MGAT4C: variants seen among roughly 807,000 people sequenced by gnomAD.
The protein encoded by MGAT4C is MGAT4 family member C.
MGAT4C carries 19 observed loss-of-function variants against 40.1 expected under a neutral mutation model. The observed-to-expected ratio is 0.47, with a 90% CI of 0.33 to 0.70. MGAT4C has a LOEUF of 0.70. Ranked by LOEUF, MGAT4C falls within the 30% of genes least tolerant of loss-of-function variation. The probability of loss-of-function intolerance (pLI) is 0.02; values close to 1 mark genes in which losing one functional copy is unlikely to be tolerated. For missense variants in MGAT4C, 491 were observed against 563.2 expected, an observed-to-expected ratio of 0.87 and a Z score of 1.30; for synonymous variants, 181 against 187.1, an observed-to-expected ratio of 0.97 and a Z score of 0.27.
intron 1 of MGAT4C, among the ~76,000 whole-genome samples, chr12:86,806,312 A>T (rs181541383): frequency 4.1e-4 from 62 of 152,102 alleles, no homozygotes; most frequent in African/African-American, 1.3e-3. Flanking sequence ...ACCTGTGTAC[A>T]CTTTATCCAG....
At chr12:86,034,258 T>C (rs1438412207) in intron 2 of MGAT4C, among the ~76,000 whole-genome samples, 1 of 149,780 alleles carries the variant, frequency 6.7e-6, no homozygotes, top group Non-Finnish European at 1.5e-5. Flanking sequence ...AGGATGATGC[T>C]AGCCTCCTAG....
intron 1 of MGAT4C, among the ~76,000 whole-genome samples, chr12:86,112,529 G>A (rs1877634949): frequency 6.6e-6 from 1 of 151,528 alleles, no homozygotes; most frequent in Non-Finnish European, 1.5e-5. Context: ...TCTATTATAT[G>A]CCTCTTATTG....
chr12:86,076,986 C>T (rs1347915997), intron 1 of MGAT4C, among the ~76,000 whole-genome samples: 2 of 152,136 alleles, frequency 1.3e-5, no homozygotes, highest in Non-Finnish European at 2.9e-5. Flanking sequence ...GAGGCTAGGC[C>T]AGTCTCTCTT....
At position 85,959,365 on chromosome 12, in the gene MGAT4C, C is replaced by T. The variant is rs150933414; in HGVS notation, c.*19924G>A. 11 of 152,104 alleles carry T rather than the reference C, an allele frequency of 7.2e-5. No individual in the cohort carries two copies. The highest frequency in any genetic ancestry group is 2.2e-4 in the African/African-American group (9 of 41,542). 9.4% of individuals were successfully genotyped at this position (152,104 alleles called of 1,614,324 possible). A position where few individuals can be genotyped will look rare whatever the true frequency, so the allele number is the denominator to read the frequency against. On this transcript the variant is annotated 3_prime_UTR_variant, in exon 5 of 5. Coordinates refer to ENST00000611864, the MANE Select transcript of MGAT4C (RefSeq NM_001351288.2). ...GTATAAAATCTAAAGTTTGGTAAAT[C>T]TTTGCTTTACAGGGCTTCAAGTTAT...
At chr12:86,519,042 A>C (rs999824913) in intron 2 of MGAT4C, among the ~76,000 whole-genome samples, 1 of 152,200 alleles carries the variant, frequency 6.6e-6, no homozygotes, top group African/African-American at 2.4e-5. Context: ...CTAAGTCTGA[A>C]TGGAAGGCGG....
At chr12:86,720,362 C>T (rs1950717466) in intron 2 of MGAT4C, among the ~76,000 whole-genome samples, 1 of 152,130 alleles carries the variant, frequency 6.6e-6, no homozygotes, top group African/African-American at 2.4e-5. Context: ...TTTATTGAGA[C>T]AGTCCTACAA....
At chr12:86,291,132 C>T (rs1477788676) in intron 4 of MGAT4C, among the ~76,000 whole-genome samples, 1 of 152,060 alleles carries the variant, frequency 6.6e-6, no homozygotes, top group Non-Finnish European at 1.5e-5. Flanking sequence ...GGCATGACAG[C>T]AAGATAGCAA....
chr12:86,572,081 G>T (rs1296770794), intron 2 of MGAT4C, among the ~76,000 whole-genome samples: 1 of 152,050 alleles, frequency 6.6e-6, no homozygotes, highest in African/African-American at 2.4e-5. Context: ...ATATGCATTG[G>T]ACAAGGATGG....
intron 2 of MGAT4C, among the ~76,000 whole-genome samples, chr12:86,524,167 T>G (rs574916116): frequency 6.6e-6 from 1 of 152,252 alleles, no homozygotes; most frequent in Non-Finnish European, 1.5e-5. Context: ...CTTGTTTATG[T>G]AATTGTTTTA....
At chr12:86,664,509 A>G (rs1035015672) in intron 2 of MGAT4C, among the ~76,000 whole-genome samples, 1 of 152,198 alleles carries the variant, frequency 6.6e-6, no homozygotes. Flanking sequence ...AATATATACT[A>G]TATCAATGAT....
chr12:86,111,172 C>A (rs1279417502), intron 1 of MGAT4C, among the ~76,000 whole-genome samples: 1 of 151,684 alleles, frequency 6.6e-6, no homozygotes, highest in Non-Finnish European at 1.5e-5. Context: ...GGTGTTGTCA[C>A]ATCGCACAAG....
At chr12:86,470,850 C>T (rs761783216) in intron 2 of MGAT4C, among the ~76,000 whole-genome samples, 13 of 151,940 alleles carry the variant, frequency 8.6e-5, no homozygotes, top group Admixed American at 1.3e-4. Flanking sequence ...TGCTCCTCTC[C>T]GTATCTATGT....
chr12:86,198,763 G>C (rs1195583125), intron 1 of MGAT4C, among the ~76,000 whole-genome samples: 1 of 152,048 alleles, frequency 6.6e-6, no homozygotes, highest in Non-Finnish European at 1.5e-5. Flanking sequence ...TCCCTGTAAT[G>C]CTCAAAATGC....
At chr12:86,291,396 G>T (rs1162529753) in intron 4 of MGAT4C, among the ~76,000 whole-genome samples, 1 of 152,184 alleles carries the variant, frequency 6.6e-6, no homozygotes, top group Non-Finnish European at 1.5e-5. Flanking sequence ...AAAGCATGGA[G>T]GATGAGAAGA....
rs192559443 is a variant in MGAT4C, at chr12:86,189,443, G to A, written c.-57+66796C>T. The stretch of plus-strand genomic sequence containing the variant: ...CAATAAGCTGAAAAAAATACAAAAC[G>A]AAATTAGCATTGTGACAGCAAAAAC... On this transcript the variant is annotated intron_variant, in intron 1 of 4. Transcript: ENST00000611864. 2.4e-3 allele frequency among the ~76,000 whole-genome samples: 361 copies of A among 151,838 alleles called. 3 individuals are homozygous for A. The highest frequency in any genetic ancestry group is 6.8e-3 in the Admixed American group (104 of 15,214).
chr12:86,059,478 A>C (rs923134794), intron 1 of MGAT4C, among the ~76,000 whole-genome samples: 2 of 152,228 alleles, frequency 1.3e-5, no homozygotes, highest in Non-Finnish European at 2.9e-5. Context: ...AGCTGGGCTC[A>C]GACCAGTGTT....
intron 2 of MGAT4C, among the ~76,000 whole-genome samples, chr12:86,602,026 G>A (rs1045572372): frequency 1.2e-4 from 19 of 152,170 alleles, no homozygotes; most frequent in African/African-American, 4.8e-5. Context: ...CGGTACGTCT[G>A]GTCCAGTAGC....
rs937203343 is a variant in MGAT4C at position 86,020,526 on chromosome 12, T to C, written c.-7+29148A>G. On this transcript the variant is annotated intron_variant, in intron 2 of 4. Transcript: ENST00000611864. ...AATAAATGGTGCTGGGAAAACTGGCTAGCCATATGTAGAAAGCTGAAACTG... is the reference window on the plus strand; with the variant it reads ...AATAAATGGTGCTGGGAAAACTGGCCAGCCATATGTAGAAAGCTGAAACTG... 2.0e-5 allele frequency among the ~76,000 whole-genome samples: 3 copies of C among 152,324 alleles called. 1 individual carries two copies. In the South Asian group the frequency reaches 6.2e-4, roughly 32 times the overall value.
Position 86,116,379 on chromosome 12 carries a change from C to T in MGAT4C, c.-56-66656G>A, listed in dbSNP as rs116919420. On this transcript the variant is annotated intron_variant, in intron 1 of 4. Transcript: ENST00000611864. Reference sequence around the variant, plus strand: ...AGAAAAAGATGCAAAGATACTGGCTCGGACTAAGCAGCTGTAAATTTGGTG... The same window carrying T: ...AGAAAAAGATGCAAAGATACTGGCTTGGACTAAGCAGCTGTAAATTTGGTG... Among the ~76,000 whole-genome samples the T allele has an allele frequency of 2.1e-4, 32 of 151,814 alleles. No homozygotes were observed. The East Asian group carries it at 5.1e-3, about 24-fold the overall frequency.
Sources: gnomAD v4.1 joint callset for allele counts (sites outside exome capture counted in the v4.1 genomes callset) on GRCh38, gnomAD v4.1.1 for gene constraint, MANE v1.5 for transcripts, NCBI Gene and HGNC (gene_info 2026-07-23, HGNC 2026-07-21) for gene names.